RALY: variants seen among roughly 807,000 people sequenced by gnomAD.
RALY encodes RALY heterogeneous nuclear ribonucleoprotein, also known as RNA-binding protein Raly.
In RALY, 15 loss-of-function variants were observed where a neutral mutation model predicts 30.7. The observed-to-expected ratio is 0.49, with a 90% CI of 0.33 to 0.75. The LOEUF (loss-of-function observed/expected upper bound fraction) is 0.75. Among genes scored for constraint, RALY ranks in the 30% least tolerant of loss-of-function variants. RALY has a pLI of 0.02. For missense variants in RALY, 339 were observed against 414.3 expected (o/e 0.82, Z 1.58); for synonymous variants, 177 against 170.8 (o/e 1.04, Z -0.28).
chr20:34,076,791 G>C lies in RALY; in HGVS notation c.634G>C (p.Ala212Pro), dbSNP rs746684649. 1 of 1,614,068 alleles carries C rather than the reference G, an allele frequency of 6.2e-7. No homozygotes were observed. ...CCTGCTGAGCCGCTTGGAGCAGATC[G>C]CTGCGGAGCAAAAGGCCAATCCAGG... ...DALLSRLEQI[A>P]AEQKANPDGK... is the part of the protein sequence containing the mutation. The change falls in exon 7 of 10, where the codon GCT becomes CCT. Residue 212 changes from alanine to proline, a missense_variant. By Grantham distance (27) the Ala-to-Pro change is conservative (BLOSUM62 -1). This residue lies in a region of RALY where 268 missense variants were observed against 280.6 expected (regional missense o/e 0.95). Transcript: ENST00000246194.
intron 1 of RALY, among the ~76,000 whole-genome samples, chr20:34,028,999 G>T (rs759229048): frequency 6.6e-6 from 1 of 152,128 alleles, no homozygotes; most frequent in African/African-American, 2.4e-5. Context: ...AGGACCATTA[G>T]TCTGGCTGTG....
At chr20:34,025,504 G>A (rs528608313) in intron 1 of RALY, among the ~76,000 whole-genome samples, 1 of 151,888 alleles carries the variant, frequency 6.6e-6, no homozygotes, top group South Asian at 2.1e-4. Flanking sequence ...GAGTTTAGCC[G>A]TGTTAGCTAG....
intron 1 of RALY, among the ~76,000 whole-genome samples, chr20:34,028,906 A>T (rs1234557232): frequency 1.3e-5 from 2 of 152,190 alleles, no homozygotes; most frequent in South Asian, 2.1e-4. Flanking sequence ...AGTAAGGCGG[A>T]TGATGACCAG....
chr20:34,035,173 A>AC (rs1199884982), intron 2 of RALY, among the ~76,000 whole-genome samples: 22 of 138,040 alleles, frequency 1.6e-4, no homozygotes, highest in Non-Finnish European at 2.6e-4. Flanking sequence ...AAAAAAAAAA[A>AC]AAAAAAAAAA....
intron 3 of RALY, 99 bp downstream of exon 3, chr20:34,072,429 C>G (rs1250573967): frequency 7.2e-7 from 1 of 1,387,322 alleles, no homozygotes. Context: ...ACCGCTACCA[C>G]TGCTCTGAGA....
At chr20:34,054,864 T>C (rs1351604878) in intron 2 of RALY, among the ~76,000 whole-genome samples, 1 of 152,066 alleles carries the variant, frequency 6.6e-6, no homozygotes, top group African/African-American at 2.4e-5. Flanking sequence ...AGTTGTACTT[T>C]ATTGATGAAG....
intron 2 of RALY, among the ~76,000 whole-genome samples, chr20:34,066,166 CCT>C (rs1435014990): frequency 7.1e-6 from 1 of 141,026 alleles, no homozygotes; most frequent in East Asian, 2.0e-4. Flanking sequence ...CTTTGCTGAT[CCT>C]CTTTTTTTTT....
chr20:34,032,822 C>G (rs2123104089), intron 2 of RALY, among the ~76,000 whole-genome samples: 1 of 152,234 alleles, frequency 6.6e-6, no homozygotes, highest in Non-Finnish European at 1.5e-5. Flanking sequence ...GGCTGTTAAT[C>G]TCCCTCTCTA....
intron 1 of RALY, chr20:34,030,003 AC>A (rs2032209267): frequency 6.6e-6 from 1 of 152,248 alleles, no homozygotes; most frequent in Admixed American, 6.5e-5. Flanking sequence ...AGCCTCTGGA[AC>A]CACCTGGCTG....
In RALY at chr20:34,084,755, C is replaced by T. The variant is rs2034076847; in HGVS notation, c.*4850C>T. On this transcript the variant is annotated 3_prime_UTR_variant, in exon 10 of 10. Coordinates refer to ENST00000246194, the MANE Select transcript of RALY (RefSeq NM_016732.3). Reference sequence around the variant, plus strand: ...GCTGACAGCAGTATCAAATGTCAGACATGAGAGAGGAAGGCTTCAAGATGA... The same window carrying T: ...GCTGACAGCAGTATCAAATGTCAGATATGAGAGAGGAAGGCTTCAAGATGA... 1 of 152,350 alleles carries T rather than the reference C, an allele frequency of 6.6e-6. No homozygotes were observed. Among genetic ancestry groups the T allele is most frequent in the Admixed American group, 6.5e-5 (1 of 15,280 alleles). 9.4% of individuals were successfully genotyped at this position (152,350 alleles called of 1,614,324 possible).
chr20:34,053,755 C>G (rs2033155411), intron 2 of RALY, among the ~76,000 whole-genome samples: 1 of 152,170 alleles, frequency 6.6e-6, no homozygotes, highest in Non-Finnish European at 1.5e-5. Context: ...TTATGGTCTC[C>G]TAACTCTTTG....
chr20:34,058,245 G>A (rs1356974740), intron 2 of RALY, among the ~76,000 whole-genome samples: 1 of 151,920 alleles, frequency 6.6e-6, no homozygotes, highest in African/African-American at 2.4e-5. Flanking sequence ...GCTGTTTTTT[G>A]TGAAGTTGCA....
At chr20:33,994,431 G>T (rs926983863) in intron 1 of RALY, 1 of 152,360 alleles carries the variant, frequency 6.6e-6, no homozygotes. Context: ...GTGGGCCCGC[G>T]CCCGCTCGGA....
At chr20:34,069,587 A>G (rs549647490) in intron 2 of RALY, among the ~76,000 whole-genome samples, 20 of 152,314 alleles carry the variant, frequency 1.3e-4, no homozygotes, top group Non-Finnish European at 2.2e-4. Context: ...CAGGGGCCCT[A>G]TTAACTTCTT....
chr20:34,025,031 G>T (rs1200648196), intron 1 of RALY, among the ~76,000 whole-genome samples: 1 of 152,228 alleles, frequency 6.6e-6, no homozygotes, highest in Admixed American at 6.5e-5. Flanking sequence ...TGGGACAAGG[G>T]CTATTTGCCC....
intron 2 of RALY, among the ~76,000 whole-genome samples, chr20:34,050,909 A>G (rs1307322102): frequency 6.6e-6 from 1 of 152,194 alleles, no homozygotes; most frequent in African/African-American, 2.4e-5. Flanking sequence ...CCTAAGAAGC[A>G]GATTGGCAAT....
At chr20:34,051,699 C>T (rs1443746535) in intron 2 of RALY, among the ~76,000 whole-genome samples, 1 of 152,100 alleles carries the variant, frequency 6.6e-6, no homozygotes, top group Non-Finnish European at 1.5e-5. Context: ...GGGTTCATGC[C>T]ATTCTCCTGC....
chr20:34,032,255 G>A (rs368011087), intron 2 of RALY, among the ~76,000 whole-genome samples: 1 of 152,110 alleles, frequency 6.6e-6, no homozygotes, highest in Non-Finnish European at 1.5e-5. Flanking sequence ...GAGCCACCGC[G>A]CCCGGCCCCG....
intron 2 of RALY, chr20:34,033,333 T>C (rs1251117778): frequency 6.6e-6 from 1 of 152,246 alleles, no homozygotes; most frequent in African/African-American, 2.4e-5. Context: ...GAAGAAAGCA[T>C]TTTAAGTGTC....
Sources: allele counts gnomAD v4.1 joint callset (sites outside exome capture counted in the v4.1 genomes callset), GRCh38; gene constraint gnomAD v4.1.1; regional missense constraint gnomAD v4.1.1; transcripts MANE v1.5; gene names NCBI Gene and HGNC (gene_info 2026-07-23, HGNC 2026-07-21).